Variants in CAP2 observed in about 807,000 individuals in gnomAD.
CAP2 encodes adenylyl cyclase-associated protein 2.
In CAP2, 24 loss-of-function variants were observed where a neutral mutation model predicts 57.7. That is an observed-to-expected ratio of 0.42 (90% CI 0.30 to 0.58). CAP2 has a LOEUF of 0.58. Ranked by LOEUF, CAP2 falls within the 20% of genes least tolerant of loss-of-function variation. The probability of loss-of-function intolerance (pLI) is 0.22; values close to 1 mark genes in which losing one functional copy is unlikely to be tolerated. For missense variants in CAP2, 501 were observed against 590.3 expected, an observed-to-expected ratio of 0.85 and a Z score of 1.57; for synonymous variants, 194 against 207.2, an observed-to-expected ratio of 0.94 and a Z score of 0.55.
chr6:17,436,156 A>C (rs1759883745), intron 3 of CAP2, among the ~76,000 whole-genome samples: 1 of 137,376 alleles, frequency 7.3e-6, no homozygotes. Flanking sequence ...ATAGAGTCTC[A>C]CTCTGTCACC....
At chr6:17,422,506 C>T (rs1029621499) in intron 2 of CAP2, among the ~76,000 whole-genome samples, 3 of 151,880 alleles carry the variant, frequency 2.0e-5, no homozygotes, top group South Asian at 2.1e-4. Flanking sequence ...CCCGCCACCA[C>T]GCCCAGCTAA....
chr6:17,549,071 T>C (rs1481083785), intron 11 of CAP2, among the ~76,000 whole-genome samples: 3 of 152,320 alleles, frequency 2.0e-5, no homozygotes, highest in Non-Finnish European at 2.9e-5. Flanking sequence ...GAAGACATCA[T>C]ATGAAGCTGA....
intron 7 of CAP2, among the ~76,000 whole-genome samples, chr6:17,538,127 CCTACCAGTTTTAA>C (rs1762816364): frequency 6.6e-6 from 1 of 151,830 alleles, no homozygotes; most frequent in Non-Finnish European, 1.5e-5. Flanking sequence ...GTGTTTCTAT[CCTACCAGTTTTAA>C]GTTCTGTGAA....
At chr6:17,502,971 G>T (rs921419907) in intron 4 of CAP2, among the ~76,000 whole-genome samples, 1 of 152,220 alleles carries the variant, frequency 6.6e-6, no homozygotes, top group Non-Finnish European at 1.5e-5. Context: ...GGAGATGTTT[G>T]CTTTCTAAAG....
At chr6:17,461,991 T>G (rs1467059092) in intron 3 of CAP2, among the ~76,000 whole-genome samples, 1 of 5,264 alleles carries the variant, frequency 1.9e-4, no homozygotes, top group African/African-American at 4.4e-4. Context: ...AGACTCCGTC[T>G]CAAAAAAAAA....
intron 4 of CAP2, among the ~76,000 whole-genome samples, chr6:17,469,274 G>T (rs1327359260): frequency 6.6e-6 from 1 of 152,234 alleles, no homozygotes; most frequent in African/African-American, 2.4e-5. Context: ...AGCACCCGGA[G>T]GGTGGAGAAC....
At chr6:17,442,763 GC>G (rs1406354293) in intron 3 of CAP2, among the ~76,000 whole-genome samples, 1 of 151,292 alleles carries the variant, frequency 6.6e-6, no homozygotes, top group Non-Finnish European at 1.5e-5. Flanking sequence ...TTTCACCCAG[GC>G]TGGAGTGCAG....
intron 11 of CAP2, among the ~76,000 whole-genome samples, chr6:17,544,219 A>G (rs1762985971): frequency 6.6e-6 from 1 of 152,126 alleles, no homozygotes; most frequent in African/African-American, 2.4e-5. Flanking sequence ...CGTCCAGTAA[A>G]TGTTTGATGG....
At chr6:17,543,714 A>G (rs1762966885) in intron 11 of CAP2, among the ~76,000 whole-genome samples, 2 of 151,576 alleles carry the variant, frequency 1.3e-5, no homozygotes, top group African/African-American at 2.4e-5. Context: ...ACACAGCTCT[A>G]TCATCACCTC....
intron 3 of CAP2, among the ~76,000 whole-genome samples, chr6:17,452,414 T>G (rs1173564685): frequency 6.6e-6 from 1 of 152,200 alleles, no homozygotes; most frequent in Non-Finnish European, 1.5e-5. Flanking sequence ...CACTTCCTAA[T>G]GGCACACTGG....
At chr6:17,479,239 C>T (rs939610135) in intron 4 of CAP2, among the ~76,000 whole-genome samples, 5 of 152,172 alleles carry the variant, frequency 3.3e-5, no homozygotes, top group African/African-American at 1.2e-4. Context: ...GTCTGTACCA[C>T]ACACACCTCC....
intron 11 of CAP2, among the ~76,000 whole-genome samples, chr6:17,548,365 CAA>C (rs112858015): frequency 7.8e-6 from 1 of 127,448 alleles, no homozygotes. Flanking sequence ...GATTCTGTCT[CAA>C]AAAAAAAAAG....
intron 4 of CAP2, among the ~76,000 whole-genome samples, chr6:17,489,670 G>A (rs1761501924): frequency 6.6e-6 from 1 of 151,938 alleles, no homozygotes; most frequent in South Asian, 2.1e-4. Flanking sequence ...GTTTGGATTA[G>A]CTTCTTGAAA....
At position 17,496,027 on chromosome 6, in the gene CAP2, T is replaced by TGGCC. The variant is rs3075209; in HGVS notation, c.301-11140_301-11139insCCGG. 4.7e-4 allele frequency among the ~76,000 whole-genome samples: 21 copies of TGGCC among 44,334 alleles called. 1 individual carries two copies. The highest frequency in any genetic ancestry group is 1.8e-3 in the African/African-American group (14 of 7,942). 29.1% of individuals were successfully genotyped at this position (44,334 alleles called of 152,430 possible). On this transcript the variant is annotated intron_variant, in intron 4 of 12. Transcript: ENST00000229922. ...CAACTGCTGTGCATGCGTGTGTGGG[T>TGGCC]GGGGGGGGGGGGTAAGTCAGGGAAA...
chr6:17,555,758 G>T (rs1763289387), intron 12 of CAP2, among the ~76,000 whole-genome samples: 1 of 150,994 alleles, frequency 6.6e-6, no homozygotes, highest in Admixed American at 6.6e-5. Context: ...GTAGAGATAG[G>T]GTTTCACCAT....
At chr6:17,435,707 A>T (rs1225816755) in intron 3 of CAP2, among the ~76,000 whole-genome samples, 3 of 137,576 alleles carry the variant, frequency 2.2e-5, no homozygotes, top group Non-Finnish European at 4.7e-5. Flanking sequence ...AAAAAAAAGA[A>T]GTTTACGGAT....
chr6:17,456,705 C>T (rs1041375974), intron 3 of CAP2, among the ~76,000 whole-genome samples: 3 of 152,284 alleles, frequency 2.0e-5, no homozygotes, highest in South Asian at 2.1e-4. Context: ...CTTCCCTTTG[C>T]TGTCTGGTTC....
intron 1 of CAP2, among the ~76,000 whole-genome samples, chr6:17,420,979 C>G (rs1315432263): frequency 6.8e-6 from 1 of 146,884 alleles, no homozygotes; most frequent in Non-Finnish European, 1.5e-5. Context: ...GATACGGAAC[C>G]AACGTTAAGT....
Position 17,420,091 on chromosome 6 carries a change from C to T in CAP2, c.-1-1464C>T, listed in dbSNP as rs558361264. 2.0e-5 allele frequency among the ~76,000 whole-genome samples: 3 copies of T among 152,124 alleles called. No homozygotes were observed. The South Asian group carries it at 6.2e-4, about 32-fold the overall frequency. On this transcript the variant is annotated intron_variant, in intron 1 of 12. Coordinates refer to ENST00000229922, the MANE Select transcript of CAP2 (RefSeq NM_006366.3). Reference sequence around the variant, plus strand: ...TTCACCATGTAGGCCAGGCTGGTCTCGAACTCCTGACTTCGTGATCCGCCT... The same window carrying T: ...TTCACCATGTAGGCCAGGCTGGTCTTGAACTCCTGACTTCGTGATCCGCCT...
Sources: allele counts gnomAD v4.1 joint callset (sites outside exome capture counted in the v4.1 genomes callset), GRCh38; gene constraint gnomAD v4.1.1; transcripts MANE v1.5; gene names NCBI Gene and HGNC (gene_info 2026-07-23, HGNC 2026-07-21).